The following CACNA1D variants were observed in gnomAD, a reference collection of about 807,000 sequenced individuals.
CACNA1D encodes calcium voltage-gated channel subunit alpha1 D.
Under a neutral mutation model 257.1 loss-of-function variants are expected in CACNA1D, and 55 were observed. The ratio of observed to expected loss-of-function variants is 0.21; its 90% CI spans 0.17 to 0.27. The LOEUF (loss-of-function observed/expected upper bound fraction) is 0.27. CACNA1D is among the 10% of genes least tolerant of loss of function. CACNA1D has a pLI of 1.00. For missense variants in CACNA1D, 1,876 were observed against 2,784.0 expected (o/e 0.67, Z 7.34); for synonymous variants, 980 against 1,014.9 (o/e 0.97, Z 0.65).
chr3:53,665,511 A>G, intron 5 of CACNA1D, 149 bp from the exon 6 acceptor site: 1 of 664,722 alleles, frequency 1.5e-6, no homozygotes, highest in Non-Finnish European at 2.6e-6. Context: ...TCTCACATCC[A>G]GGCTTAATAT....
At chr3:53,777,078 T>G in intron 37 of CACNA1D, 122 bp downstream of exon 37, 1 of 758,622 alleles carries the variant, frequency 1.3e-6, no homozygotes, top group South Asian at 1.5e-5. Flanking sequence ...CAATGAATAA[T>G]ATGTGGTTCC....
At chr3:53,515,898 A>G (rs539752219) in intron 3 of CACNA1D, among the ~76,000 whole-genome samples, 1 of 152,294 alleles carries the variant, frequency 6.6e-6, no homozygotes, top group East Asian at 1.9e-4. Flanking sequence ...TTTCTCAGGC[A>G]TTTAGGCTCT....
chr3:53,591,900 G>A (rs1180183751), intron 3 of CACNA1D, among the ~76,000 whole-genome samples: 1 of 152,156 alleles, frequency 6.6e-6, no homozygotes, highest in African/African-American at 2.4e-5. Flanking sequence ...AGCTTGTTTT[G>A]TCACCAGTGT....
chr3:53,659,546 A>G (rs1208977531), intron 4 of CACNA1D, among the ~76,000 whole-genome samples: 4 of 152,258 alleles, frequency 2.6e-5, no homozygotes, highest in African/African-American at 9.6e-5. Context: ...AGACTAGAAC[A>G]GACCACATGC....
At chr3:53,664,412 G>T (rs2094238663) in intron 5 of CACNA1D, among the ~76,000 whole-genome samples, 1 of 152,188 alleles carries the variant, frequency 6.6e-6, no homozygotes, top group African/African-American at 2.4e-5. Flanking sequence ...TGTCTGGCCT[G>T]CTGCTGTCCT....
chr3:53,723,674 G>T lies in CACNA1D; in HGVS notation c.1892+15G>T. The T allele has an allele frequency of 1.2e-6, 2 of 1,609,732 alleles. No homozygotes were observed. The highest frequency in any genetic ancestry group is 1.7e-6 in the Non-Finnish European group (2 of 1,176,108). On this transcript the variant is annotated intron_variant, in intron 13 of 47. Coordinates refer to ENST00000350061, the MANE Select transcript of CACNA1D (RefSeq NM_001128840.3). The surrounding 1 kb of genome is among the most constrained non-coding windows in gnomAD (Gnocchi z 5.6). ...AAAGTGACCAGGTAAGGAAATGTGG[G>T]TCCCACTGCAAATGTTTTATGAACA...
At chr3:53,737,445 A>G (rs2095069710) in intron 20 of CACNA1D, among the ~76,000 whole-genome samples, 1 of 152,234 alleles carries the variant, frequency 6.6e-6, no homozygotes, top group African/African-American at 2.4e-5. Flanking sequence ...CAAACACTAC[A>G]CCATTTTATA....
At position 53,723,140 on chromosome 3, in the gene CACNA1D, A is replaced by G. The variant is rs1007379194; in HGVS notation, c.1667-294A>G. 6.6e-6 allele frequency among the ~76,000 whole-genome samples: 1 copy of G among 152,168 alleles called. No homozygotes were observed. The highest frequency in any genetic ancestry group is 2.4e-5 in the African/African-American group (1 of 41,454). ...CTTTTAGGGCTGGAAGGAGTCAGAG[A>G]TTATGTGATGAGCTGCCCCTTCCCA... On this transcript the variant is annotated intron_variant, in intron 12 of 47. Transcript: ENST00000350061. The surrounding 1 kb of genome is among the most constrained non-coding windows in gnomAD (Gnocchi z 5.6).
intron 28 of CACNA1D, 150 bp from the exon 29 acceptor site, chr3:53,753,422 A>G (rs1349318335): frequency 1.8e-5 from 13 of 711,538 alleles, no homozygotes; most frequent in Non-Finnish European, 2.9e-5. Context: ...AGTTCACCAC[A>G]TGACCTTGCA....
intron 3 of CACNA1D, among the ~76,000 whole-genome samples, chr3:53,614,358 C>T (rs1200520380): frequency 6.6e-6 from 1 of 152,056 alleles, no homozygotes; most frequent in East Asian, 1.9e-4. Context: ...GCCAGAAATC[C>T]GCCCTCTAGG....
intron 18 of CACNA1D, 88 bp downstream of exon 18, chr3:53,732,170 C>G (rs546667745): frequency 9.6e-7 from 1 of 1,038,538 alleles, no homozygotes; most frequent in East Asian, 2.4e-5. Context: ...GGCCAGCCAG[C>G]CCAGCAGCGT....
At chr3:53,643,123 T>C (rs2093980090) in intron 3 of CACNA1D, among the ~76,000 whole-genome samples, 1 of 152,170 alleles carries the variant, frequency 6.6e-6, no homozygotes, top group Non-Finnish European at 1.5e-5. Context: ...GGGACACAAA[T>C]GTCACATAAA....
At position 53,633,219 on chromosome 3, in the gene CACNA1D, G is replaced by A. The variant is rs551858546; in HGVS notation, c.484-17560G>A. 9.8e-5 allele frequency among the ~76,000 whole-genome samples: 15 copies of A among 152,358 alleles called. No homozygotes were observed. The South Asian group carries it at 2.7e-3, about 27-fold the overall frequency. On this transcript the variant is annotated intron_variant, in intron 3 of 47. Transcript: ENST00000350061. ...TAGAAAACCAAGGCAAGGGCTGGGT[G>A]TGGTGGCTCACGCCTGTGATCCCAA...
chr3:53,721,152 G>A (rs550126642), intron 11 of CACNA1D, among the ~76,000 whole-genome samples: 17 of 152,276 alleles, frequency 1.1e-4, no homozygotes, highest in Admixed American at 4.6e-4. Context: ...GTTTTTCCAC[G>A]CTGGCCAACA....
intron 3 of CACNA1D, among the ~76,000 whole-genome samples, chr3:53,511,232 A>C (rs1373457443): frequency 2.0e-5 from 3 of 152,154 alleles, no homozygotes; most frequent in Non-Finnish European, 4.4e-5. Context: ...GGTTTAGAAA[A>C]TAGAATTTGA....
At chr3:53,642,701 G>A (rs1373727654) in intron 3 of CACNA1D, among the ~76,000 whole-genome samples, 1 of 152,230 alleles carries the variant, frequency 6.6e-6, no homozygotes, top group Non-Finnish European at 1.5e-5. Context: ...TGGTCCACCA[G>A]GTCACCCTGC....
chr3:53,718,268 G>T, intron 9 of CACNA1D, 33 bp from the exon 10 acceptor site: 1 of 1,584,036 alleles, frequency 6.3e-7, no homozygotes. Flanking sequence ...AGTGTGCCCC[G>T]CATGCTCTCT....
At chr3:53,533,891 C>A (rs1330289040) in intron 3 of CACNA1D, among the ~76,000 whole-genome samples, 1 of 152,180 alleles carries the variant, frequency 6.6e-6, no homozygotes, top group Non-Finnish European at 1.5e-5. Flanking sequence ...CATTTTTAGG[C>A]ATTTAACGGG....
intron 3 of CACNA1D, among the ~76,000 whole-genome samples, chr3:53,524,957 G>A (rs2091707885): frequency 6.6e-6 from 1 of 152,166 alleles, no homozygotes; most frequent in Admixed American, 6.5e-5. Context: ...GCGTGGCCTG[G>A]AGCAGTGGGG....
Sources: gnomAD v4.1 joint callset for allele counts (sites outside exome capture counted in the v4.1 genomes callset) on GRCh38, gnomAD v4.1.1 for gene constraint, Gnocchi (gnomAD v3.1) non-coding constraint, MANE v1.5 for transcripts, NCBI Gene and HGNC (gene_info 2026-07-23, HGNC 2026-07-21) for gene names.